The following EPS8L3 variants were observed in gnomAD, a reference collection of about 807,000 sequenced individuals.
The protein encoded by EPS8L3 is epidermal growth factor receptor kinase substrate 8-like protein 3.
In EPS8L3, 80 loss-of-function variants were observed where a neutral mutation model predicts 88.5. The ratio of observed to expected loss-of-function variants is 0.90; its 90% CI spans 0.75 to 1.09. The LOEUF (loss-of-function observed/expected upper bound fraction) is 1.09. Among genes scored for constraint, EPS8L3 ranks in the 50% least tolerant of loss-of-function variants. EPS8L3 has a pLI of 0.00. For missense variants in EPS8L3, 721 were observed against 735.2 expected (o/e 0.98, Z 0.22); for synonymous variants, 286 against 291.0 (o/e 0.98, Z 0.18).
intron 11 of EPS8L3, 145 bp downstream of exon 11, chr1:109,757,335 CT>C: frequency 9.0e-7 from 1 of 1,114,402 alleles, no homozygotes; most frequent in Non-Finnish European, 1.3e-6. Context: ...CCCTTAGAGC[CT>C]TGGCGTCCTT....
At chr1:109,751,848 G>A (rs1649825315) in intron 15 of EPS8L3, 66 bp from the exon 16 acceptor site, 2 of 1,602,682 alleles carry the variant, frequency 1.2e-6, no homozygotes, top group South Asian at 2.2e-5. Context: ...CCCACACAAG[G>A]CTTTCTCCCT....
At chr1:109,751,902 C>A in intron 15 of EPS8L3, 93 bp downstream of exon 15, 2 of 1,566,364 alleles carry the variant, frequency 1.3e-6, no homozygotes, top group South Asian at 1.2e-5. Context: ...GGCCACCCAC[C>A]TTGGCAGCTC....
intron 8 of EPS8L3, 36 bp from the exon 9 acceptor site, chr1:109,758,094 G>A: frequency 7.6e-6 from 12 of 1,583,190 alleles, no homozygotes; most frequent in Non-Finnish European, 1.0e-5. Context: ...TGAACGGGCA[G>A]TTGGGCCCAC....
chr1:109,757,617 C>G, intron 10 of EPS8L3, 62 bp from the exon 11 acceptor site: 1 of 1,526,004 alleles, frequency 6.6e-7, no homozygotes, highest in Non-Finnish European at 9.0e-7. Flanking sequence ...ACCAGGTCAC[C>G]ATAATTGTTT....
chr1:109,750,838 C>A, intron 17 of EPS8L3, 46 bp from the exon 18 acceptor site: 1 of 1,609,984 alleles, frequency 6.2e-7, no homozygotes, highest in African/African-American at 1.3e-5. Context: ...CTGGAAGGAC[C>A]CTGGGCCTGA....
At position 109,757,049 on chromosome 1, in the gene EPS8L3, C is replaced by T; in HGVS notation, c.1086G>A (p.Trp362Ter). ...TGGTCCAGGCTGGGCCCAACCCCAT[C>T]CAAAGGTTACTCTCAGGTGGGCTTA... ...SCLSPPESNL[W>*]MGLGPAWTTS... The change falls in exon 12 of 19, where the codon TGG becomes TGA. Residue 362 changes from tryptophan to a stop codon, truncating the protein, a stop_gained. Coordinates refer to ENST00000361965, the MANE Select transcript of EPS8L3 (RefSeq NM_133181.4). LOFTEE classifies it high-confidence loss of function. 6.2e-7 allele frequency: 1 copy of T among 1,614,222 alleles called. No individual in the cohort carries two copies. Among genetic ancestry groups the T allele is most frequent in the Non-Finnish European group, 8.5e-7 (1 of 1,180,042 alleles).
At position 109,750,262 on chromosome 1, in the gene EPS8L3, G is replaced by C. The variant is rs941763508; in HGVS notation, c.*129C>G. ...TCTGGGCCTGTCCATTGTTTTTGCT[G>C]TGTGAGCTGGGGTGTGGGGTTTGCT... On this transcript the variant is annotated 3_prime_UTR_variant, in exon 19 of 19. Coordinates refer to ENST00000361965, the MANE Select transcript of EPS8L3 (RefSeq NM_133181.4). 9.6e-6 allele frequency: 11 copies of C among 1,140,084 alleles called. No individual in the cohort carries two copies. The African/African-American group carries it at 1.7e-4, about 18-fold the overall frequency. The allele number at this position is 1,140,084 out of a possible 1,614,324, so 70.6% of individuals were successfully genotyped here.
intron 13 of EPS8L3, 68 bp downstream of exon 13, chr1:109,753,049 G>T: frequency 1.4e-6 from 2 of 1,387,892 alleles, no homozygotes; most frequent in Non-Finnish European, 2.0e-6. Flanking sequence ...CCATGGTTTG[G>T]ATGGGGAGGG....
intron 8 of EPS8L3, 106 bp from the exon 9 acceptor site, chr1:109,758,164 C>T: frequency 1.5e-6 from 2 of 1,317,508 alleles, no homozygotes; most frequent in Non-Finnish European, 2.2e-6. Flanking sequence ...AGCCTCAGGC[C>T]CAGCCTGGAG....
Position 109,752,722 on chromosome 1 carries a change from T to C in EPS8L3, c.1201-2A>G, listed in dbSNP as rs1253312803. 3 of 1,551,982 alleles carry C rather than the reference T, an allele frequency of 1.9e-6. No homozygotes were observed. The highest frequency in any genetic ancestry group is 2.6e-6 in the Non-Finnish European group (3 of 1,147,032). On this transcript the variant is annotated splice_acceptor_variant, in intron 13 of 18. Coordinates refer to ENST00000361965, the MANE Select transcript of EPS8L3 (RefSeq NM_133181.4). LOFTEE classifies it high-confidence loss of function. ...AGGGTCCTGGTATCCTAAGGGTGCC[T>C]GTAAGGGACAGAACAGAGAGTGAGT...
Position 109,759,537 on chromosome 1 carries a change from C to T in EPS8L3, c.255+141G>A, listed in dbSNP as rs957433646. 1.4e-5 allele frequency: 21 copies of T among 1,482,366 alleles called. No individual in the cohort carries two copies. The highest frequency in any genetic ancestry group is 1.9e-5 in the Non-Finnish European group (21 of 1,101,102). 91.8% of individuals were successfully genotyped at this position (1,482,366 alleles called of 1,614,324 possible). A position where few individuals can be genotyped will look rare whatever the true frequency, so the allele number is the denominator to read the frequency against. ...TGCCTCTGTCCCCAGCCTCTGTCCC[C>T]TGTCTCTTCCTAGGCTTGGGTGTGT... On this transcript the variant is annotated intron_variant, in intron 4 of 18. Coordinates refer to ENST00000361965, the MANE Select transcript of EPS8L3 (RefSeq NM_133181.4). This position sits in a 1 kb window ranked among gnomAD's most constrained non-coding sequence, Gnocchi z 4.2.
At position 109,751,202 on chromosome 1, in the gene EPS8L3, TTCTGGGTC is replaced by T. The variant is rs1461904528; in HGVS notation, c.1637+68_1637+75del. On this transcript the variant is annotated intron_variant, in intron 17 of 18. Transcript: ENST00000361965. ...TGTACAATGTAGGCCAGGTTGTATGTTCTGGGTCTCTGGGTTTCCTTGGTTAGCCCTTT... is the reference window on the plus strand; with the variant it reads ...TGTACAATGTAGGCCAGGTTGTATGTTCTGGGTTTCCTTGGTTAGCCCTTT... 6 of 1,327,118 alleles carry T rather than the reference TTCTGGGTC, an allele frequency of 4.5e-6. No homozygotes were observed. In the African/African-American group the frequency reaches 8.6e-5, roughly 19 times the overall value. 82.2% of individuals were successfully genotyped at this position (1,327,118 alleles called of 1,614,324 possible).
chr1:109,761,288 T>G (rs1650911490), intron 3 of EPS8L3: 3 of 576,892 alleles, frequency 5.2e-6, no homozygotes, highest in Admixed American at 5.9e-5. Context: ...CCTGCTCTGT[T>G]CAATCTGACC....
chr1:109,755,864 G>A (rs903544884), intron 12 of EPS8L3, among the ~76,000 whole-genome samples: 2 of 152,192 alleles, frequency 1.3e-5, no homozygotes, highest in African/African-American at 4.8e-5. Context: ...TCCAAGAAAA[G>A]ACTCATTTCC....
intron 12 of EPS8L3, among the ~76,000 whole-genome samples, chr1:109,756,171 G>T (rs1386153682): frequency 6.6e-6 from 1 of 152,194 alleles, no homozygotes; most frequent in African/African-American, 2.4e-5. Context: ...ATGTTCCAAG[G>T]ATGCCTCAGC....
chr1:109,763,180 G>A (rs1651178708), intron 1 of EPS8L3, among the ~76,000 whole-genome samples: 2 of 152,208 alleles, frequency 1.3e-5, no homozygotes, highest in South Asian at 4.1e-4. Flanking sequence ...AACAATTAAG[G>A]GAATGTGGAA....
Position 109,759,952 on chromosome 1 carries a change from T to C in EPS8L3, c.97-116A>G, listed in dbSNP as rs138732719. 4.7e-3 allele frequency: 5,426 copies of C among 1,152,836 alleles called. 26 individuals carry two copies. The highest frequency in any genetic ancestry group is 5.5e-3 in the Non-Finnish European group (4,569 of 823,682). The allele number at this position is 1,152,836 out of a possible 1,614,324, so 71.4% of individuals were successfully genotyped here. ...AGACGTGTCCTCGGCCCCCTTGAGG[T>C]AGGAGGTTCCAGGCTTCAGATAAAG... On this transcript the variant is annotated intron_variant, in intron 3 of 18. Transcript: ENST00000361965. This position sits in a 1 kb window ranked among gnomAD's most constrained non-coding sequence, Gnocchi z 4.2.
intron 13 of EPS8L3, 45 bp from the exon 14 acceptor site, chr1:109,752,765 A>G (rs1251304263): frequency 1.3e-6 from 2 of 1,528,596 alleles, no homozygotes; most frequent in Non-Finnish European, 1.8e-6. Context: ...GGAGGCAGCC[A>G]GCATGGTGGG....
At position 109,752,547 on chromosome 1, in the gene EPS8L3, G is replaced by A. The variant is rs183342312; in HGVS notation, c.1235+139C>T. 419 of 764,810 alleles carry A rather than the reference G, an allele frequency of 5.5e-4. No individual in the cohort carries two copies. The African/African-American group carries it at 6.7e-3, about 12-fold the overall frequency. 47.4% of individuals were successfully genotyped at this position (764,810 alleles called of 1,614,324 possible). ...ACTGTTTTTCACCCAAGGTAGGAGA[G>A]GGATGTCCTTGTACATGTTTTTCTG... is the stretch of plus-strand genomic sequence containing the variant. On this transcript the variant is annotated intron_variant, in intron 14 of 18. Coordinates refer to ENST00000361965, the MANE Select transcript of EPS8L3 (RefSeq NM_133181.4).
Sources: allele counts gnomAD v4.1 joint callset (sites outside exome capture counted in the v4.1 genomes callset), GRCh38; gene constraint gnomAD v4.1.1; non-coding constraint Gnocchi (gnomAD v3.1); transcripts MANE v1.5; gene names NCBI Gene and HGNC (gene_info 2026-07-23, HGNC 2026-07-21).